RAPGEF6: variants seen among roughly 807,000 people sequenced by gnomAD.
The protein encoded by RAPGEF6 is PDZ domain containing guanine nucleotide exchange factor (GEF) 2.
In RAPGEF6, 56 loss-of-function variants were observed where a neutral mutation model predicts 171.4. That is an observed-to-expected ratio of 0.33 (90% CI 0.26 to 0.41). RAPGEF6 has a LOEUF of 0.41. RAPGEF6 is among the 10% of genes least tolerant of loss of function. The pLI is 1.00. For synonymous variants in RAPGEF6, 692 were observed against 650.1 expected (o/e 1.06, Z -0.98); for missense variants, 1,674 against 1,921.4 (o/e 0.87, Z 2.41).
chr5:131,491,945 G>C (rs534566444), intron 14 of RAPGEF6, among the ~76,000 whole-genome samples: 227 of 152,264 alleles, frequency 1.5e-3, no homozygotes, highest in African/African-American at 5.4e-3. Context: ...ATGACTAACA[G>C]GATTGAGAGA....
intron 11 of RAPGEF6, 72 bp downstream of exon 11, chr5:131,504,554 G>C: frequency 7.2e-7 from 1 of 1,392,538 alleles, no homozygotes; most frequent in South Asian, 1.5e-5. Flanking sequence ...CTTAAAAAAT[G>C]GTTTAAAACA....
chr5:131,429,958 G>A (rs1432343899), intron 26 of RAPGEF6, among the ~76,000 whole-genome samples: 1 of 151,374 alleles, frequency 6.6e-6, no homozygotes, highest in Non-Finnish European at 1.5e-5. Context: ...GCTGAGAGAG[G>A]AGAATTGCTT....
chr5:131,427,007 T>TC lies in RAPGEF6; in HGVS notation c.*258dup, dbSNP rs539937345. ...GTTTACATTTTTTCTGTAACTGTGG[T>TC]CCCAAGGCAGTTCCGGCGTGCAAAG... On this transcript the variant is annotated 3_prime_UTR_variant, in exon 28 of 28. Coordinates refer to ENST00000509018, the MANE Select transcript of RAPGEF6 (RefSeq NM_016340.6). 6 of 490,908 alleles carry TC rather than the reference T, an allele frequency of 1.2e-5. No homozygotes were observed. Among genetic ancestry groups the TC allele is most frequent in the Non-Finnish European group, 2.1e-5 (6 of 279,826 alleles). The allele number at this position is 490,908 out of a possible 1,614,324, so 30.4% of individuals were successfully genotyped here.
intron 1 of RAPGEF6, among the ~76,000 whole-genome samples, chr5:131,625,765 G>A (rs546804096): frequency 1.2e-4 from 18 of 149,396 alleles, no homozygotes; most frequent in South Asian, 4.2e-4. Flanking sequence ...GCAGTCAGCC[G>A]AGATAGCGCC....
intron 1 of RAPGEF6, among the ~76,000 whole-genome samples, chr5:131,618,853 A>G (rs568240882): frequency 1.3e-5 from 2 of 152,228 alleles, no homozygotes; most frequent in Admixed American, 6.6e-5. Flanking sequence ...AGTATGCCCA[A>G]TAATGGAAAG....
At chr5:131,459,807 G>C (rs1337137759) in intron 19 of RAPGEF6, among the ~76,000 whole-genome samples, 2 of 152,102 alleles carry the variant, frequency 1.3e-5, no homozygotes, top group African/African-American at 4.8e-5. Context: ...ATGAAAAAAG[G>C]TAACAGTATC....
At chr5:131,480,581 C>T (rs1233872646) in intron 15 of RAPGEF6, among the ~76,000 whole-genome samples, 2 of 152,020 alleles carry the variant, frequency 1.3e-5, no homozygotes, top group African/African-American at 4.8e-5. Flanking sequence ...CGGGTTCAAG[C>T]GATTCTCTTG....
rs539267349 is a variant in RAPGEF6, at chr5:131,468,066, G to A, written c.2240-3785C>T. On this transcript the variant is annotated intron_variant, in intron 17 of 27. Transcript: ENST00000509018. ...CTTGGGGTCGGGCGCAGTGGCTTAT[G>A]CCAGTAATTCCAGCACTTTGGGAGG... Among the ~76,000 whole-genome samples, 17 of 151,684 alleles carry A rather than the reference G, an allele frequency of 1.1e-4. No homozygotes were observed. The South Asian group carries it at 3.5e-3, about 32-fold the overall frequency.
chr5:131,540,600 GA>G, intron 6 of RAPGEF6, among the ~76,000 whole-genome samples: 1 of 152,148 alleles, frequency 6.6e-6, no homozygotes, highest in Non-Finnish European at 1.5e-5. Flanking sequence ...GTAGCAAAAG[GA>G]AGGAGAAATC....
rs145858535 is a variant in RAPGEF6 at position 131,451,180 on chromosome 5, G to A, written c.3200+1874C>T. Among the ~76,000 whole-genome samples the A allele has an allele frequency of 3.2e-3, 490 of 152,212 alleles. 7 individuals are homozygous for A. The highest frequency in any genetic ancestry group is 0.012 in the African/African-American group (479 of 41,530). The stretch of plus-strand genomic sequence containing the variant: ...TTCATTACATGTAGTGATTTTCAAG[G>A]TGCAGAAGTGGGATGTGCAGGAAAG... On this transcript the variant is annotated intron_variant, in intron 21 of 27. Coordinates refer to ENST00000509018, the MANE Select transcript of RAPGEF6 (RefSeq NM_016340.6).
intron 1 of RAPGEF6, among the ~76,000 whole-genome samples, chr5:131,614,001 G>T (rs1298123329): frequency 1.3e-5 from 2 of 152,090 alleles, no homozygotes; most frequent in African/African-American, 4.8e-5. Flanking sequence ...GAACTACCCG[G>T]CTGGACACAG....
chr5:131,531,643 C>CAACT (rs1212262969), intron 6 of RAPGEF6, among the ~76,000 whole-genome samples: 2 of 152,066 alleles, frequency 1.3e-5, no homozygotes, highest in Admixed American at 6.5e-5. Context: ...CAAGAATTAT[C>CAACT]AACTAATCTT....
chr5:131,546,915 T>G (rs1187695485), intron 6 of RAPGEF6, among the ~76,000 whole-genome samples: 2 of 152,148 alleles, frequency 1.3e-5, no homozygotes, highest in Admixed American at 1.3e-4. Context: ...AGGAACAATC[T>G]GTTTCTAATT....
At chr5:131,539,156 A>G (rs1425887945) in intron 6 of RAPGEF6, among the ~76,000 whole-genome samples, 1 of 152,200 alleles carries the variant, frequency 6.6e-6, no homozygotes, top group African/African-American at 2.4e-5. Flanking sequence ...TGTCTTATAT[A>G]CAAATAAGAT....
In RAPGEF6 at chr5:131,505,373, A is replaced by G. The variant is rs749191308; in HGVS notation, c.1092T>C (p.Asp364=). ...YMHGIVRTKV[D]DCQFVCIAQQ... ...AAAGAGATAATCTTACCTGACAATC[A>G]TCTACTTTAGTCCTGACAATTCCAT... Residue 364 remains aspartate, a synonymous_variant, in exon 10 of 28, where the codon GAT becomes GAC. Transcript: ENST00000509018. The G allele has an allele frequency of 2.5e-6, 4 of 1,613,524 alleles. No homozygotes were observed. Among genetic ancestry groups the G allele is most frequent in the Admixed American group, 3.3e-5 (2 of 60,006 alleles).
intron 1 of RAPGEF6, among the ~76,000 whole-genome samples, chr5:131,616,752 ACT>A (rs1765287717): frequency 6.7e-6 from 1 of 149,716 alleles, no homozygotes; most frequent in African/African-American, 2.5e-5. Flanking sequence ...CCCTCCTGAG[ACT>A]CTCGAGTGTG....
chr5:131,449,368 G>A (rs1752915826), intron 21 of RAPGEF6, among the ~76,000 whole-genome samples: 1 of 152,286 alleles, frequency 6.6e-6, no homozygotes, highest in African/African-American at 2.4e-5. Flanking sequence ...AATGCTACAA[G>A]TAAGTGGCAT....
At chr5:131,587,504 T>C (rs1355385431) in intron 4 of RAPGEF6, among the ~76,000 whole-genome samples, 1 of 152,050 alleles carries the variant, frequency 6.6e-6, no homozygotes, top group East Asian at 1.9e-4. Flanking sequence ...ACATTCAATG[T>C]ATAGTAACTC....
chr5:131,632,732 C>T (rs1392731826), intron 1 of RAPGEF6, among the ~76,000 whole-genome samples: 1 of 152,130 alleles, frequency 6.6e-6, no homozygotes, highest in Non-Finnish European at 1.5e-5. Context: ...CTTCTGAAAA[C>T]AGAAATGAAC....
Sources: allele counts gnomAD v4.1 joint callset (sites outside exome capture counted in the v4.1 genomes callset), GRCh38; gene constraint gnomAD v4.1.1; transcripts MANE v1.5; gene names NCBI Gene and HGNC (gene_info 2026-07-23, HGNC 2026-07-21).